NOTCH1: variants seen among roughly 807,000 people sequenced by gnomAD.
NOTCH1 encodes the protein notch receptor 1.
A neutral mutation model predicts 254.8 loss-of-function variants in NOTCH1; 37 were observed. That is an observed-to-expected ratio of 0.15 (90% CI 0.11 to 0.19). The LOEUF (loss-of-function observed/expected upper bound fraction) is 0.19, where lower values mean the gene tolerates loss of function less well. Among genes scored for constraint, NOTCH1 ranks in the 10% least tolerant of loss-of-function variants. NOTCH1 has a pLI of 1.00. For missense variants in NOTCH1, 2,972 were observed against 3,708.6 expected, an observed-to-expected ratio of 0.80 and a Z score of 5.16; for synonymous variants, 1,731 against 1,618.1, an observed-to-expected ratio of 1.07 and a Z score of -1.68.
chr9:136,496,771 T>C lies in NOTCH1; in HGVS notation c.6968A>G (p.Tyr2323Cys), dbSNP rs779811889. ...RLQSGMVPNQ[Y>C]NPLRGSVAPG... ...TGCCACACTCCCCCGCAGAGGGTTG[T>C]ATTGGTTCGGCACCATGCCGCTCTG... The change falls in exon 34 of 34, where the codon TAC becomes TGC. Residue 2323 changes from tyrosine to cysteine, a missense_variant. Transcript: ENST00000651671. 4 of 1,612,832 alleles carry C rather than the reference T, an allele frequency of 2.5e-6. No homozygotes were observed. Among genetic ancestry groups the C allele is most frequent in the East Asian group, 2.2e-5 (1 of 44,870 alleles).
At chr9:136,501,309 C>T (rs1053291000) in intron 30 of NOTCH1, among the ~76,000 whole-genome samples, 1 of 151,990 alleles carries the variant, frequency 6.6e-6, no homozygotes, top group African/African-American at 2.4e-5. Flanking sequence ...TGGCAGGCGC[C>T]TGTAGTCCCA....
chr9:136,529,161 C>T (rs994135842), intron 2 of NOTCH1, among the ~76,000 whole-genome samples: 17 of 152,248 alleles, frequency 1.1e-4, no homozygotes, highest in African/African-American at 4.1e-4. Flanking sequence ...GTGACCTGGG[C>T]CACACAGACA....
In NOTCH1 at chr9:136,523,780, C is replaced by T. The variant is rs2133379100; in HGVS notation, c.340G>A (p.Gly114Arg). 1.9e-6 allele frequency: 3 copies of T among 1,611,834 alleles called. No homozygotes were observed. Among genetic ancestry groups the T allele is most frequent in the African/African-American group, 1.3e-5 (1 of 75,036 alleles). Residue 114 changes from glycine (G) to arginine (R), a missense_variant, in exon 3 of 34, where the codon GGG (glycine) becomes AGG (arginine). Physicochemically the swap from Gly to Arg is moderately radical, Grantham distance 125. Around this residue, in one of 8 missense-constraint regions of NOTCH1, gnomAD observed 374 missense variants for 496.3 expected, o/e 0.75. Transcript: ENST00000651671. ...NACLTNPCRNGGTCDLLTLTE... is the reference protein window; with the variant it reads ...NACLTNPCRNRGTCDLLTLTE... ...AGCGTGAGCAGGTCGCAGGTGCCCC[C>T]GTTGCGGCAGGGGTTGGTGAGGCAG...
chr9:136,513,164 T>A lies in NOTCH1; in HGVS notation c.2354-30A>T. 6.3e-7 allele frequency: 1 copy of A among 1,575,982 alleles called. No individual in the cohort carries two copies. The highest frequency in any genetic ancestry group is 8.7e-7 in the Non-Finnish European group (1 of 1,146,718). On this transcript the variant is annotated intron_variant, in intron 14 of 33. Coordinates refer to ENST00000651671, the MANE Select transcript of NOTCH1 (RefSeq NM_017617.5). The surrounding 1 kb of genome is among the most constrained non-coding windows in gnomAD (Gnocchi z 4.7). ...AGGGAAGGGGACAGCACTCGGCATG[T>A]CCAGCACTCCCAGGCACCTTGGCAG... is the stretch of plus-strand genomic sequence containing the variant.
chr9:136,508,349 T>G lies in NOTCH1; in HGVS notation c.3208A>C (p.Asn1070His), dbSNP rs1843123251. Reference sequence around the variant, plus strand: ...TGGGTCTGCCAGCATTTGCCGCCGTTCTTGCAGGGCGAGGAGTCACACCAG... The same window carrying G: ...TGGGTCTGCCAGCATTTGCCGCCGTGCTTGCAGGGCGAGGAGTCACACCAG... ...VHWCDSSPCK[N>H]GGKCWQTHTQ... is the part of the protein sequence containing the mutation. Residue 1070 changes from asparagine (N) to histidine (H), a missense_variant, in exon 20 of 34, where the codon AAC (asparagine) becomes CAC (histidine). By Grantham distance (68) the Asn-to-His change is moderately conservative. This residue lies in a region of NOTCH1 where 1,343 missense variants were observed against 1,557.0 expected (regional missense o/e 0.86). Transcript: ENST00000651671. 1.9e-6 allele frequency: 3 copies of G among 1,613,208 alleles called. No homozygotes were observed. The highest frequency in any genetic ancestry group is 2.5e-6 in the Non-Finnish European group (3 of 1,180,002).
rs767476967 is a variant in NOTCH1 at position 136,515,640 on chromosome 9, G to A, written c.1746C>T (p.Asp582=). Residue 582 remains aspartate (D), a synonymous_variant, in exon 11 of 34, where the codon GAC becomes GAT. Transcript: ENST00000651671. ...PDPCHYGSCK[D]GVATFTCLCR... ...AGAGGCAGGTGAAGGTGGCGACGCCGTCCTTGCAGGAGCCGTAGTGGCAGG... is the reference window on the plus strand; with the variant it reads ...AGAGGCAGGTGAAGGTGGCGACGCCATCCTTGCAGGAGCCGTAGTGGCAGG... The A allele has an allele frequency of 3.1e-5, 49 of 1,596,844 alleles. No homozygotes were observed. The highest frequency in any genetic ancestry group is 1.0e-4 in the South Asian group (9 of 89,560).
chr9:136,539,577 C>T (rs557629887), intron 2 of NOTCH1, among the ~76,000 whole-genome samples: 3 of 152,194 alleles, frequency 2.0e-5, no homozygotes, highest in South Asian at 2.1e-4. Flanking sequence ...TTAGTAGAGA[C>T]GGGGGTTTCG....
rs1842917968 is a variant in NOTCH1, at chr9:136,496,551, G to A, written c.7188C>T (p.Asn2396=). 1 of 1,609,960 alleles carries A rather than the reference G, an allele frequency of 6.2e-7. No homozygotes were observed. Among genetic ancestry groups the A allele is most frequent in the Non-Finnish European group, 8.5e-7 (1 of 1,179,966 alleles). ...QPQNLQMQQQ[N]LQPANIQQQQ... ...GCTGCTGGATGTTTGCTGGCTGCAGGTTCTGCTGCTGCATCTGTAAGTTTT... is the reference window on the plus strand; with the variant it reads ...GCTGCTGGATGTTTGCTGGCTGCAGATTCTGCTGCTGCATCTGTAAGTTTT... Residue 2396 remains asparagine, a synonymous_variant, in exon 34 of 34, where the codon AAC becomes AAT. Transcript: ENST00000651671.
chr9:136,523,573 G>A (rs1332914219), intron 3 of NOTCH1, 144 bp downstream of exon 3: 1 of 1,050,056 alleles, frequency 9.5e-7, no homozygotes, highest in Non-Finnish European at 1.4e-6. Context: ...GTCTGGGAGG[G>A]GGGCAGGGAC....
At position 136,502,492 on chromosome 9, in the gene NOTCH1, C is replaced by T. The variant is rs751709616; in HGVS notation, c.5168-4G>A. Reference sequence around the variant, plus strand: ...GGGGGCGGCTCCACGGTCTCACCTGCGGGCACGGGGGCCAGGGGCAGGTGC... The same window carrying T: ...GGGGGCGGCTCCACGGTCTCACCTGTGGGCACGGGGGCCAGGGGCAGGTGC... On this transcript the variant is annotated splice_region_variant and splice_polypyrimidine_tract_variant and intron_variant, in intron 27 of 33. Transcript: ENST00000651671. 1.2e-4 allele frequency: 179 copies of T among 1,530,174 alleles called. No homozygotes were observed. Among genetic ancestry groups the T allele is most frequent in the Middle Eastern group, 1.9e-4 (1 of 5,252 alleles). The allele number at this position is 1,530,174 out of a possible 1,614,324, so 94.8% of individuals were successfully genotyped here.
At chr9:136,522,804 G>A (rs1843393423) in intron 4 of NOTCH1, 46 bp downstream of exon 4, 2 of 1,436,868 alleles carry the variant, frequency 1.4e-6, no homozygotes, top group Non-Finnish European at 9.1e-7. Flanking sequence ...CCTGGGCCTG[G>A]CAGCCGGGGA....
rs767440286 is a variant in NOTCH1 at position 136,497,148 on chromosome 9, G to A, written c.6591C>T (p.Leu2197=). ...KGCLLDSSGM[L]SPVDSLESPH... The stretch of plus-strand genomic sequence containing the variant: ...GTGACTCCAGGGAGTCCACGGGCGA[G>A]AGCATGCCGGAGCTGTCCAGCAGGC... Residue 2197 remains leucine (L), a synonymous_variant, in exon 34 of 34, where the codon CTC becomes CTT. Coordinates refer to ENST00000651671, the MANE Select transcript of NOTCH1 (RefSeq NM_017617.5). 2 of 1,612,708 alleles carry A rather than the reference G, an allele frequency of 1.2e-6. No homozygotes were observed. The highest frequency in any genetic ancestry group is 1.1e-5 in the South Asian group (1 of 91,088).
chr9:136,533,456 C>T (rs1329557511), intron 2 of NOTCH1, among the ~76,000 whole-genome samples: 1 of 152,244 alleles, frequency 6.6e-6, no homozygotes, highest in East Asian at 1.9e-4. Flanking sequence ...GGCCCCACCA[C>T]GCGGCCCTGC....
chr9:136,514,129 T>C (rs900197931), intron 13 of NOTCH1, among the ~76,000 whole-genome samples: 14 of 152,190 alleles, frequency 9.2e-5, no homozygotes, highest in African/African-American at 3.4e-4. Context: ...AGCACGTGCC[T>C]TCTCTGCGCC....
At chr9:136,536,493 A>G (rs1843659544) in intron 2 of NOTCH1, among the ~76,000 whole-genome samples, 1 of 152,120 alleles carries the variant, frequency 6.6e-6, no homozygotes, top group Non-Finnish European at 1.5e-5. Flanking sequence ...AAGGCCCCGG[A>G]GCAGGCAGAC....
intron 9 of NOTCH1, among the ~76,000 whole-genome samples, chr9:136,516,774 C>A (rs1410495906): frequency 6.6e-6 from 1 of 152,172 alleles, no homozygotes; most frequent in Non-Finnish European, 1.5e-5. Context: ...TGGCCCTGGG[C>A]TCCACCGCGA....
intron 4 of NOTCH1, 22 bp from the exon 5 acceptor site, chr9:136,519,587 C>A (rs1235043026): frequency 6.2e-7 from 1 of 1,612,524 alleles, no homozygotes; most frequent in South Asian, 1.1e-5. Context: ...GGGGCCGGGT[C>A]AGCCTCTTCC....
intron 17 of NOTCH1, 143 bp downstream of exon 17, chr9:136,510,510 T>C: frequency 9.0e-7 from 1 of 1,116,700 alleles, no homozygotes; most frequent in South Asian, 1.4e-5. Flanking sequence ...CCTCAGCACA[T>C]CCCCCACACC....
At chr9:136,520,568 T>C (rs1243941519) in intron 4 of NOTCH1, among the ~76,000 whole-genome samples, 2 of 151,564 alleles carry the variant, frequency 1.3e-5, no homozygotes, top group Non-Finnish European at 2.9e-5. Context: ...ACCCCGTCTC[T>C]ACAAAAAAAA....
Sources: allele counts gnomAD v4.1 joint callset (sites outside exome capture counted in the v4.1 genomes callset), GRCh38; gene constraint gnomAD v4.1.1; regional missense constraint gnomAD v4.1.1; non-coding constraint Gnocchi (gnomAD v3.1); transcripts MANE v1.5; gene names NCBI Gene and HGNC (gene_info 2026-07-23, HGNC 2026-07-21).